Variants in CSMD1 observed in about 807,000 individuals in gnomAD.
The protein encoded by CSMD1 is CUB and Sushi multiple domains 1.
A neutral mutation model predicts 417.5 loss-of-function variants in CSMD1; 213 were observed. That is an observed-to-expected ratio of 0.51 (90% CI 0.46 to 0.57). The LOEUF is 0.57. CSMD1 is among the 20% of genes least tolerant of loss of function. The pLI, the probability that CSMD1 is intolerant of heterozygous loss-of-function variation, is 0.00. For missense variants in CSMD1, 6,923 were observed against 4,529.7 expected (o/e 1.53, Z -15.17); for synonymous variants, 2,862 against 1,736.8 (o/e 1.65, Z -16.11).
rs572649411 is a variant in CSMD1, at chr8:3,920,298, G to A, written c.818+77605C>T. On this transcript the variant is annotated intron_variant, in intron 5 of 69. Transcript: ENST00000635120. ...GATCCACCCACTTCAACCTCCCAAA[G>A]TGCTGAGATTATAGGAGTGAGCCAC... 2.7e-4 allele frequency among the ~76,000 whole-genome samples: 41 copies of A among 152,056 alleles called. 2 individuals are homozygous for A. The South Asian group carries it at 8.1e-3, about 30-fold the overall frequency.
At chr8:4,775,530 C>A (rs17071280) in intron 1 of CSMD1, among the ~76,000 whole-genome samples, 1 of 151,986 alleles carries the variant, frequency 6.6e-6, no homozygotes, top group African/African-American at 2.4e-5. Flanking sequence ...GGGTTCCTAT[C>A]AGAAGGACCA....
intron 3 of CSMD1, among the ~76,000 whole-genome samples, chr8:4,098,510 C>G (rs1453400353): frequency 6.6e-6 from 1 of 152,050 alleles, no homozygotes; most frequent in South Asian, 2.1e-4. Flanking sequence ...AGGCCAGTTA[C>G]CCAGCTGCGA....
chr8:3,238,910 T>G (rs1169745030), intron 26 of CSMD1, among the ~76,000 whole-genome samples: 1 of 152,036 alleles, frequency 6.6e-6, no homozygotes, highest in East Asian at 1.9e-4. Context: ...GAGCAGGGCA[T>G]GTATAAGTAG....
At chr8:4,668,499 G>A (rs948754057) in intron 1 of CSMD1, among the ~76,000 whole-genome samples, 1 of 149,332 alleles carries the variant, frequency 6.7e-6, no homozygotes, top group Non-Finnish European at 1.5e-5. Flanking sequence ...ACCCAGGCTG[G>A]AGTGCAGTGG....
At chr8:4,913,328 G>C (rs1186312789) in intron 1 of CSMD1, among the ~76,000 whole-genome samples, 1 of 152,170 alleles carries the variant, frequency 6.6e-6, no homozygotes, top group Non-Finnish European at 1.5e-5. Context: ...TGCAATAATT[G>C]TTTACAGCCT....
intron 11 of CSMD1, 44 bp from the exon 12 acceptor site, chr8:3,468,868 G>C (rs369229818): frequency 3.0e-5 from 39 of 1,297,008 alleles, no homozygotes; most frequent in Middle Eastern, 1.9e-4. Context: ...AAGGCAACAA[G>C]TACATCGACT....
At chr8:4,433,892 CCTA>C (rs1411797067) in intron 2 of CSMD1, among the ~76,000 whole-genome samples, 1 of 152,094 alleles carries the variant, frequency 6.6e-6, no homozygotes, top group Non-Finnish European at 1.5e-5. Context: ...CTTTGACAAT[CCTA>C]CAAAAGTCAG....
intron 3 of CSMD1, among the ~76,000 whole-genome samples, chr8:4,149,511 C>T (rs1796454863): frequency 6.6e-6 from 1 of 152,164 alleles, no homozygotes; most frequent in African/African-American, 2.4e-5. Flanking sequence ...ACTGTAAATA[C>T]TCAGGGAACT....
intron 1 of CSMD1, among the ~76,000 whole-genome samples, chr8:4,894,878 G>C (rs1431093662): frequency 6.6e-6 from 1 of 152,046 alleles, no homozygotes; most frequent in Non-Finnish European, 1.5e-5. Context: ...ATATGTTATT[G>C]TTCATGAATC....
chr8:4,092,413 G>A (rs189873496), intron 3 of CSMD1, among the ~76,000 whole-genome samples: 8 of 152,048 alleles, frequency 5.3e-5, no homozygotes, highest in Non-Finnish European at 5.9e-5. Flanking sequence ...CTTCATATTG[G>A]CTTCAGCATA....
Position 3,219,303 on chromosome 8 carries a change from GA to G in CSMD1, c.4623del (p.Arg1542GlyfsTer29). ...GAAAGGCCCACGGAGGCATCACTCCGAAATGCCAGAAACAGGCTGTTTCCGC... is the reference window on the plus strand; with the variant it reads ...GAAAGGCCCACGGAGGCATCACTCCGAATGCCAGAAACAGGCTGTTTCCGC... ...ESSGNSLFLA[F>X]RSDASVGLSG... is the part of the protein sequence containing the mutation. On this transcript the variant is annotated frameshift_variant, in exon 29 of 70. Transcript: ENST00000635120. LOFTEE classifies it high-confidence loss of function. 1 of 1,591,828 alleles carries G rather than the reference GA, an allele frequency of 6.3e-7. No homozygotes were observed. Among genetic ancestry groups the G allele is most frequent in the Non-Finnish European group, 8.6e-7 (1 of 1,168,252 alleles).
At chr8:4,080,623 G>C (rs911426845) in intron 3 of CSMD1, among the ~76,000 whole-genome samples, 1 of 152,104 alleles carries the variant, frequency 6.6e-6, no homozygotes, top group Non-Finnish European at 1.5e-5. Context: ...GAGTTTAGAA[G>C]CTAAATTTTA....
In CSMD1 at chr8:4,832,416, G is replaced by T. The variant is rs118057075; in HGVS notation, c.85+161916C>A. Among the ~76,000 whole-genome samples the T allele has an allele frequency of 1.5e-3, 229 of 152,296 alleles. 2 individuals carry two copies. The East Asian group carries it at 0.03, about 20-fold the overall frequency. Reference sequence around the variant, plus strand: ...CAGTGGACATTGACATCTACTAAGAGCATCAGGAAGACTTTGGAGAAGAGG... The same window carrying T: ...CAGTGGACATTGACATCTACTAAGATCATCAGGAAGACTTTGGAGAAGAGG... On this transcript the variant is annotated intron_variant, in intron 1 of 69. Coordinates refer to ENST00000635120, the MANE Select transcript of CSMD1 (RefSeq NM_033225.6).
At chr8:3,821,627 C>G (rs1041399220) in intron 5 of CSMD1, among the ~76,000 whole-genome samples, 2 of 152,046 alleles carry the variant, frequency 1.3e-5, no homozygotes, top group Admixed American at 6.6e-5. Context: ...ACTAATAATA[C>G]AAAAATTAGC....
chr8:4,040,747 G>C (rs1386061613), intron 3 of CSMD1, among the ~76,000 whole-genome samples: 2 of 152,098 alleles, frequency 1.3e-5, no homozygotes, highest in South Asian at 2.1e-4. Flanking sequence ...TCAAAAACAA[G>C]GTAAGCGACC....
At chr8:4,688,717 T>C (rs939026131) in intron 1 of CSMD1, among the ~76,000 whole-genome samples, 1 of 152,152 alleles carries the variant, frequency 6.6e-6, no homozygotes, top group Non-Finnish European at 1.5e-5. Context: ...ACTCCACAAA[T>C]GTCATCTCAT....
chr8:4,567,520 G>A (rs1434548427), intron 2 of CSMD1, among the ~76,000 whole-genome samples: 1 of 152,066 alleles, frequency 6.6e-6, no homozygotes, highest in African/African-American at 2.4e-5. Context: ...AGAAATCGCA[G>A]GTAGACTGTG....
intron 1 of CSMD1, among the ~76,000 whole-genome samples, chr8:4,914,355 T>A (rs1042168476): frequency 1.3e-5 from 2 of 151,986 alleles, no homozygotes; most frequent in Non-Finnish European, 2.9e-5. Flanking sequence ...GGCAGGCAGA[T>A]CACGAGGTCA....
chr8:4,044,421 C>G lies in CSMD1; in HGVS notation c.416-12322G>C, dbSNP rs112217263. ...TCAGTCTACTTTGTGTCATTCCAAG[C>G]TCTAAAATTCTTTACCATAAAAGCT... On this transcript the variant is annotated intron_variant, in intron 3 of 69. Transcript: ENST00000635120. Among the ~76,000 whole-genome samples the G allele has an allele frequency of 2.4e-3, 361 of 152,170 alleles. 3 individuals are homozygous for G. Among genetic ancestry groups the G allele is most frequent in the African/African-American group, 8.5e-3 (355 of 41,528 alleles).
Sources: allele counts gnomAD v4.1 joint callset (sites outside exome capture counted in the v4.1 genomes callset), GRCh38; gene constraint gnomAD v4.1.1; transcripts MANE v1.5; gene names NCBI Gene and HGNC (gene_info 2026-07-23, HGNC 2026-07-21).